Variants in ASIC2 observed in about 807,000 individuals in gnomAD.
ASIC2 encodes the protein acid-sensing ion channel 2.
Under a neutral mutation model 57.3 loss-of-function variants are expected in ASIC2, and 25 were observed. That is an observed-to-expected ratio of 0.44 (90% confidence interval 0.32 to 0.61). ASIC2 has a LOEUF of 0.61. ASIC2 is among the 20% of genes least tolerant of loss of function. The probability of loss-of-function intolerance (pLI) is 0.06; values close to 1 mark genes in which losing one functional copy is unlikely to be tolerated. For missense variants in ASIC2, 641 were observed against 738.1 expected, an observed-to-expected ratio of 0.87 and a Z score of 1.52; for synonymous variants, 319 against 307.5, an observed-to-expected ratio of 1.04 and a Z score of -0.39.
At chr17:33,985,119 C>T (rs1905770342) in intron 1 of ASIC2, among the ~76,000 whole-genome samples, 1 of 152,108 alleles carries the variant, frequency 6.6e-6, no homozygotes, top group Admixed American at 6.5e-5. Flanking sequence ...TTAATTGAAG[C>T]CTCAAGCCAT....
intron 1 of ASIC2, among the ~76,000 whole-genome samples, chr17:33,168,198 C>T (rs767384853): frequency 2.5e-4 from 38 of 152,272 alleles, no homozygotes; most frequent in East Asian, 5.8e-4. Flanking sequence ...GAACTGGGAG[C>T]GAAATAAACT....
chr17:33,594,880 G>C (rs1161851493), intron 1 of ASIC2, among the ~76,000 whole-genome samples: 1 of 151,362 alleles, frequency 6.6e-6, no homozygotes, highest in Non-Finnish European at 1.5e-5. Flanking sequence ...CTCAGGCCTA[G>C]AGAAATTGAG....
intron 1 of ASIC2, among the ~76,000 whole-genome samples, chr17:33,662,660 T>TAA: frequency 8.7e-6 from 1 of 114,826 alleles, no homozygotes; most frequent in East Asian, 2.0e-4. Context: ...AATAAATAAA[T>TAA]AAATAAATAA....
At chr17:33,503,640 C>A (rs536027922) in intron 1 of ASIC2, among the ~76,000 whole-genome samples, 66 of 152,278 alleles carry the variant, frequency 4.3e-4, no homozygotes, top group African/African-American at 1.3e-3. Flanking sequence ...TCCTCCAAAT[C>A]AAAACCTCTT....
At chr17:33,189,214 G>T (rs1184353477) in intron 1 of ASIC2, among the ~76,000 whole-genome samples, 4 of 152,072 alleles carry the variant, frequency 2.6e-5, no homozygotes, top group Non-Finnish European at 2.9e-5. Flanking sequence ...CAATACACAA[G>T]AGAACCCCCC....
At chr17:33,371,461 C>T (rs1261849622) in intron 1 of ASIC2, among the ~76,000 whole-genome samples, 4 of 152,208 alleles carry the variant, frequency 2.6e-5, no homozygotes, top group Admixed American at 6.5e-5. Flanking sequence ...AAAACTACAA[C>T]AAAAAATAAT....
At chr17:33,579,441 C>CG (rs1348266709) in intron 1 of ASIC2, among the ~76,000 whole-genome samples, 1 of 151,930 alleles carries the variant, frequency 6.6e-6, no homozygotes, top group South Asian at 2.1e-4. Flanking sequence ...ACTAGGGCTG[C>CG]GGGGTACCCA....
chr17:33,821,974 T>C (rs1232139199), intron 1 of ASIC2, among the ~76,000 whole-genome samples: 1 of 152,164 alleles, frequency 6.6e-6, no homozygotes, highest in African/African-American at 2.4e-5. Context: ...ATTGTGGGGA[T>C]GCAGCATGTG....
At chr17:33,050,667 T>G (rs777414651) in intron 3 of ASIC2, among the ~76,000 whole-genome samples, 1 of 152,174 alleles carries the variant, frequency 6.6e-6, no homozygotes, top group African/African-American at 2.4e-5. Context: ...GATGAGCAGA[T>G]GCAAACTGTT....
chr17:33,677,000 T>TGAA (rs1419093997), intron 1 of ASIC2, among the ~76,000 whole-genome samples: 2 of 152,208 alleles, frequency 1.3e-5, no homozygotes, highest in East Asian at 3.9e-4. Context: ...TTTTGCCATG[T>TGAA]GAAGTACCCG....
intron 1 of ASIC2, among the ~76,000 whole-genome samples, chr17:33,745,359 G>A (rs1910226914): frequency 6.6e-6 from 1 of 151,658 alleles, no homozygotes; most frequent in Non-Finnish European, 1.5e-5. Flanking sequence ...AGAGATAGGA[G>A]CAGAAAAATA....
At chr17:33,969,008 G>A (rs896330341) in intron 1 of ASIC2, among the ~76,000 whole-genome samples, 3 of 152,140 alleles carry the variant, frequency 2.0e-5, no homozygotes, top group Non-Finnish European at 2.9e-5. Context: ...TGTGTGGGGC[G>A]GATGGCAGTG....
intron 1 of ASIC2, among the ~76,000 whole-genome samples, chr17:33,608,602 G>C (rs1435255415): frequency 6.6e-6 from 1 of 152,052 alleles, no homozygotes; most frequent in Non-Finnish European, 1.5e-5. Flanking sequence ...CCCAACCCAG[G>C]ATGATACAGT....
At chr17:33,921,058 G>C (rs757203348) in intron 1 of ASIC2, among the ~76,000 whole-genome samples, 4 of 152,178 alleles carry the variant, frequency 2.6e-5, no homozygotes, top group Non-Finnish European at 4.4e-5. Context: ...ATAAATGTTA[G>C]CTAATGTCAC....
In ASIC2 at chr17:33,951,230, T is replaced by C. The variant is rs142873772; in HGVS notation, c.555+204748A>G. ...TAGTAAATGATTTACAAATACTAAC[T>C]CCTTCCACCTTCACAGTGGCCCTCG... On this transcript the variant is annotated intron_variant, in intron 1 of 9. Coordinates refer to the ASIC2 transcript ENST00000359872. Among the ~76,000 whole-genome samples the C allele has an allele frequency of 2.8e-3, 422 of 152,308 alleles. 13 individuals carry two copies. In the South Asian group the frequency reaches 0.053, roughly 19 times the overall value.
chr17:33,866,012 G>A (rs1485530419), intron 1 of ASIC2, among the ~76,000 whole-genome samples: 1 of 152,000 alleles, frequency 6.6e-6, no homozygotes, highest in South Asian at 2.1e-4. Context: ...ATCATACACT[G>A]TATTTTGTTT....
intron 1 of ASIC2, among the ~76,000 whole-genome samples, chr17:33,983,846 G>C (rs183503800): frequency 1.3e-5 from 2 of 152,178 alleles, no homozygotes; most frequent in African/African-American, 4.8e-5. Context: ...TAGAGGCCAG[G>C]GGTGCTGCTG....
intron 1 of ASIC2, among the ~76,000 whole-genome samples, chr17:33,917,892 A>G (rs1009702463): frequency 5.0e-5 from 7 of 141,362 alleles, no homozygotes; most frequent in South Asian, 2.2e-4. Context: ...GTGCATGTGC[A>G]CACACACACA....
At chr17:34,119,291 CCT>C (rs1224891701) in intron 1 of ASIC2, among the ~76,000 whole-genome samples, 21 of 152,144 alleles carry the variant, frequency 1.4e-4, no homozygotes, top group Non-Finnish European at 2.4e-4. Context: ...CTCTCCCAAG[CCT>C]CTGTTTCCTT....
Sources: gnomAD v4.1 joint callset for allele counts (sites outside exome capture counted in the v4.1 genomes callset) on GRCh38, gnomAD v4.1.1 for gene constraint, MANE v1.5 for transcripts, NCBI Gene and HGNC (gene_info 2026-07-23, HGNC 2026-07-21) for gene names.